The following USP25 variants were observed in gnomAD, a reference collection of about 807,000 sequenced individuals.
USP25 encodes ubiquitin specific peptidase 25, also known as ubiquitin carboxyl-terminal hydrolase 25.
USP25 carries 85 observed loss-of-function variants against 158.5 expected under a neutral mutation model. The ratio of observed to expected loss-of-function variants is 0.54; its 90% CI spans 0.45 to 0.64. USP25 has a LOEUF of 0.64. USP25 is among the 30% of genes least tolerant of loss of function. The pLI, the probability that USP25 is intolerant of heterozygous loss-of-function variation, is 0.00. For synonymous variants in USP25, 464 were observed against 460.4 expected (o/e 1.01, Z -0.10); for missense variants, 1,242 against 1,327.3 (o/e 0.94, Z 1.00).
At chr21:15,873,146 G>A (rs955792238) in intron 23 of USP25, among the ~76,000 whole-genome samples, 1 of 152,030 alleles carries the variant, frequency 6.6e-6, no homozygotes, top group African/African-American at 2.4e-5. Flanking sequence ...GTCTTGCTCT[G>A]TTGCGCAGGC....
chr21:15,861,618 T>C (rs1314932660), intron 20 of USP25, among the ~76,000 whole-genome samples: 2 of 152,158 alleles, frequency 1.3e-5, no homozygotes, highest in Non-Finnish European at 2.9e-5. Context: ...AGAATTTGAA[T>C]AAATATGATT....
rs866223808 is a variant in USP25 at position 15,879,116 on chromosome 21, C to T, written c.*641C>T. ...AAAGTTCTTGAACTTAGTATGGCAC[C>T]GGAACCTGTTTTGAATTCAGTCAGG... On this transcript the variant is annotated 3_prime_UTR_variant, in exon 26 of 26. Coordinates refer to ENST00000400183, the MANE Select transcript of USP25 (RefSeq NM_001283041.3). 12 of 152,304 alleles carry T rather than the reference C, an allele frequency of 7.9e-5. No homozygotes were observed. Among genetic ancestry groups the T allele is most frequent in the African/African-American group, 2.2e-4 (9 of 41,354 alleles). The allele number at this position is 152,304 out of a possible 1,614,324, so 9.4% of individuals were successfully genotyped here.
intron 7 of USP25, among the ~76,000 whole-genome samples, chr21:15,806,096 T>C (rs1201580757): frequency 1.3e-5 from 2 of 152,212 alleles, no homozygotes; most frequent in African/African-American, 4.8e-5. Flanking sequence ...CTTTTATATG[T>C]TGTTGCATTT....
intron 23 of USP25, among the ~76,000 whole-genome samples, chr21:15,871,524 C>T (rs1029131532): frequency 9.9e-5 from 15 of 152,002 alleles, no homozygotes; most frequent in Admixed American, 6.6e-4. Context: ...AAAATAGAGA[C>T]CTCGTATTCT....
At position 15,864,450 on chromosome 21, in the gene USP25, AT is replaced by A; in HGVS notation, c.2726+7del. The stretch of plus-strand genomic sequence containing the variant: ...GAAATTTGAGTTTTGATGAAAGGTA[AT>A]TTGAAAGTATAAAATTCATATGCTC... On this transcript the variant is annotated splice_donor_5th_base_variant and intron_variant, in intron 21 of 25. Transcript: ENST00000400183. 1 of 1,590,222 alleles carries A rather than the reference AT, an allele frequency of 6.3e-7. No individual in the cohort carries two copies. The highest frequency in any genetic ancestry group is 1.2e-5 in the South Asian group (1 of 85,822).
At chr21:15,795,133 G>C (rs2035798434) in intron 5 of USP25, among the ~76,000 whole-genome samples, 1 of 151,330 alleles carries the variant, frequency 6.6e-6, no homozygotes, top group Non-Finnish European at 1.5e-5. Context: ...TTTTCTAAAT[G>C]ACATGCCTTC....
At chr21:15,746,207 G>C (rs888416784) in intron 1 of USP25, among the ~76,000 whole-genome samples, 2 of 152,134 alleles carry the variant, frequency 1.3e-5, no homozygotes, top group Non-Finnish European at 2.9e-5. Flanking sequence ...GAGGTACTTT[G>C]AACAGTTGGA....
At position 15,826,391 on chromosome 21, in the gene USP25, AC is replaced by A; in HGVS notation, c.1466+27del. On this transcript the variant is annotated intron_variant, in intron 13 of 25. Coordinates refer to ENST00000400183, the MANE Select transcript of USP25 (RefSeq NM_001283041.3). This position sits in a 1 kb window ranked among gnomAD's most constrained non-coding sequence, Gnocchi z 4.8. ...GTAAAAAGTAATCCTGATGCAAGAG[AC>A]AGTTGTTACCTTTATTACACAATAA... 6 of 1,611,996 alleles carry A rather than the reference AC, an allele frequency of 3.7e-6. No individual in the cohort carries two copies. The highest frequency in any genetic ancestry group is 1.3e-5 in the African/African-American group (1 of 74,982).
At chr21:15,802,696 T>C (rs1006387172) in intron 6 of USP25, among the ~76,000 whole-genome samples, 3 of 151,736 alleles carry the variant, frequency 2.0e-5, no homozygotes, top group African/African-American at 7.2e-5. Flanking sequence ...AGACATCTTA[T>C]TAGAAAAGAA....
At chr21:15,747,738 G>C (rs1160171547) in intron 1 of USP25, among the ~76,000 whole-genome samples, 1 of 152,116 alleles carries the variant, frequency 6.6e-6, no homozygotes, top group East Asian at 1.9e-4. Context: ...CATGGAGTGA[G>C]ATTTCATTAT....
chr21:15,797,298 A>G (rs1297565468), intron 5 of USP25, among the ~76,000 whole-genome samples: 1 of 151,386 alleles, frequency 6.6e-6, no homozygotes, highest in African/African-American at 2.4e-5. Context: ...CAAATAGTAT[A>G]AACATAAAGA....
At chr21:15,864,888 A>C (rs925254454) in intron 21 of USP25, among the ~76,000 whole-genome samples, 1 of 152,138 alleles carries the variant, frequency 6.6e-6, no homozygotes, top group African/African-American at 2.4e-5. Context: ...ATTGCCAAAT[A>C]ACTCCTAGGG....
In USP25 at chr21:15,832,536, A is replaced by G. The variant is rs540872264; in HGVS notation, c.1994-812A>G. On this transcript the variant is annotated intron_variant, in intron 16 of 25. Coordinates refer to ENST00000400183, the MANE Select transcript of USP25 (RefSeq NM_001283041.3). Reference sequence around the variant, plus strand: ...AAGATCTTGCTATATTAATTTTCATAATTGCATATTTAAGTCTACTTAATT... The same window carrying G: ...AAGATCTTGCTATATTAATTTTCATGATTGCATATTTAAGTCTACTTAATT... Among the ~76,000 whole-genome samples the G allele has an allele frequency of 5.0e-4, 76 of 152,308 alleles. 2 individuals carry two copies. In the South Asian group the frequency reaches 0.014, roughly 27 times the overall value.
At chr21:15,790,759 T>C (rs1225419954) in intron 4 of USP25, among the ~76,000 whole-genome samples, 1 of 151,844 alleles carries the variant, frequency 6.6e-6, no homozygotes, top group Non-Finnish European at 1.5e-5. Context: ...CAGTTATGAT[T>C]ATACTTATGT....
chr21:15,750,387 G>A (rs1262819732), intron 1 of USP25, among the ~76,000 whole-genome samples: 7 of 151,332 alleles, frequency 4.6e-5, no homozygotes, highest in Non-Finnish European at 1.0e-4. Flanking sequence ...ATGCCACCGC[G>A]CCTGGCTAAT....
intron 7 of USP25, 141 bp from the exon 8 acceptor site, chr21:15,808,668 C>T (rs948641609): frequency 5.0e-5 from 27 of 534,808 alleles, no homozygotes; most frequent in Admixed American, 3.8e-5. Flanking sequence ...TCTTGCATTT[C>T]GTGTGAAACA....
intron 20 of USP25, among the ~76,000 whole-genome samples, chr21:15,852,306 A>G (rs2038926305): frequency 6.6e-6 from 1 of 151,878 alleles, no homozygotes; most frequent in Non-Finnish European, 1.5e-5. Context: ...GGGAATGTAC[A>G]TTAGGAAGGA....
intron 3 of USP25, among the ~76,000 whole-genome samples, chr21:15,767,816 G>C (rs1333940447): frequency 6.6e-6 from 1 of 152,014 alleles, no homozygotes; most frequent in African/African-American, 2.4e-5. Flanking sequence ...ACATGACATG[G>C]TATATTTATA....
At position 15,826,875 on chromosome 21, in the gene USP25, C is replaced by G. The variant is rs573037882; in HGVS notation, c.1467-102C>G. On this transcript the variant is annotated intron_variant, in intron 13 of 25. Coordinates refer to ENST00000400183, the MANE Select transcript of USP25 (RefSeq NM_001283041.3). The surrounding 1 kb of genome is among the most constrained non-coding windows in gnomAD (Gnocchi z 4.8). Reference sequence around the variant, plus strand: ...TCCACATATTTCTTTAAGATTTTTTCTTTTGAATTACAAGCCAATTTAATA... The same window carrying G: ...TCCACATATTTCTTTAAGATTTTTTGTTTTGAATTACAAGCCAATTTAATA... 5.1e-5 allele frequency: 58 copies of G among 1,127,750 alleles called. No individual in the cohort carries two copies. The South Asian group carries it at 8.8e-4, about 17-fold the overall frequency. The allele number at this position is 1,127,750 out of a possible 1,614,324, so 69.9% of individuals were successfully genotyped here.
Sources: allele counts gnomAD v4.1 joint callset (sites outside exome capture counted in the v4.1 genomes callset), GRCh38; gene constraint gnomAD v4.1.1; non-coding constraint Gnocchi (gnomAD v3.1); transcripts MANE v1.5; gene names NCBI Gene and HGNC (gene_info 2026-07-23, HGNC 2026-07-21).